The following MLIP variants were observed in gnomAD, a reference collection of about 807,000 sequenced individuals.
The protein encoded by MLIP is muscular LMNA interacting protein, also known as muscular LMNA-interacting protein.
Under a neutral mutation model 84.8 loss-of-function variants are expected in MLIP, and 79 were observed. The observed-to-expected ratio is 0.93, with a 90% CI of 0.78 to 1.12. The LOEUF is 1.12. MLIP is among the 50% of genes most tolerant of loss of function. The probability of loss-of-function intolerance (pLI) is 0.00; values close to 1 mark genes in which losing one functional copy is unlikely to be tolerated. For synonymous variants in MLIP, 504 were observed against 463.0 expected, an observed-to-expected ratio of 1.09 and a Z score of -1.14; for missense variants, 1,257 against 1,160.6, an observed-to-expected ratio of 1.08 and a Z score of -1.21.
intron 9 of MLIP, among the ~76,000 whole-genome samples, chr6:54,171,975 A>C (rs1266119753): frequency 6.6e-6 from 1 of 151,538 alleles, no homozygotes; most frequent in Non-Finnish European, 1.5e-5. Context: ...TGCGTCATTG[A>C]CTTTGTAGAT....
At chr6:54,047,252 C>T (rs972541070) in intron 1 of MLIP, 1 of 151,968 alleles carries the variant, frequency 6.6e-6, no homozygotes, top group African/African-American at 2.4e-5. Flanking sequence ...TGATTGGCTA[C>T]TAAGAGAGAG....
intron 1 of MLIP, among the ~76,000 whole-genome samples, chr6:54,102,486 G>A (rs1768725626): frequency 6.6e-6 from 1 of 152,012 alleles, no homozygotes; most frequent in Admixed American, 6.6e-5. Flanking sequence ...TCTGATGCTG[G>A]CTTCCTTCAT....
chr6:54,058,154 A>AG (rs940521795), intron 1 of MLIP, among the ~76,000 whole-genome samples: 1 of 151,436 alleles, frequency 6.6e-6, no homozygotes, highest in Non-Finnish European at 1.5e-5. Context: ...GAATAGAAAA[A>AG]AAACATGTAG....
rs79547354 is a variant in MLIP at position 54,116,408 on chromosome 6, G to A, written c.96+4833G>A. 2.1e-3 allele frequency among the ~76,000 whole-genome samples: 325 copies of A among 152,224 alleles called. 2 individuals are homozygous for A. The highest frequency in any genetic ancestry group is 7.5e-3 in the African/African-American group (310 of 41,550). ...AATAAATAGAATCAGAGAATAAAAC[G>A]GAGACATTATAATTTATACCACAGA... On this transcript the variant is annotated intron_variant, in intron 1 of 13. Coordinates refer to ENST00000502396, the MANE Select transcript of MLIP (RefSeq NM_001281747.2).
At chr6:54,161,118 A>G (rs1173150628) in intron 8 of MLIP, among the ~76,000 whole-genome samples, 3 of 151,788 alleles carry the variant, frequency 2.0e-5, no homozygotes, top group Non-Finnish European at 4.4e-5. Context: ...TTTTACATTG[A>G]TGTTTAGAAT....
At chr6:54,238,666 CA>C (rs1349722662) in intron 12 of MLIP, among the ~76,000 whole-genome samples, 2 of 152,166 alleles carry the variant, frequency 1.3e-5, no homozygotes, top group Non-Finnish European at 2.9e-5. Flanking sequence ...TTGGCAGAAG[CA>C]AGGCTGAGAT....
chr6:54,046,198 A>G (rs1765041049), intron 1 of MLIP: 1 of 151,864 alleles, frequency 6.6e-6, no homozygotes, highest in Admixed American at 6.6e-5. Context: ...CTTTCCATAA[A>G]TGTTGAATAA....
rs1360541032 is a variant in MLIP, at chr6:54,069,231, T to A, written c.63+50140T>A. 4.9e-5 allele frequency among the ~76,000 whole-genome samples: 5 copies of A among 101,460 alleles called. 1 individual carries two copies. The highest frequency in any genetic ancestry group is 1.3e-4 in the African/African-American group (5 of 39,436). 66.6% of individuals were successfully genotyped at this position (101,460 alleles called of 152,430 possible). ...CTAGTTTATTCATTTATTTGTTAGA[T>A]CTAGGAGATGTATTTGTTTCTTGAG... is the stretch of plus-strand genomic sequence containing the variant. On this transcript the variant is annotated intron_variant, in intron 1 of 12. Transcript: ENST00000274897.
At chr6:54,167,078 T>TG (rs1775271678) in intron 8 of MLIP, among the ~76,000 whole-genome samples, 2 of 151,946 alleles carry the variant, frequency 1.3e-5, no homozygotes, top group Non-Finnish European at 2.9e-5. Context: ...TCTGCACTAC[T>TG]GAGCCACTGT....
chr6:54,121,645 TA>T, intron 2 of MLIP, 43 bp downstream of exon 2: 1 of 1,395,754 alleles, frequency 7.2e-7, no homozygotes, highest in Non-Finnish European at 9.7e-7. Context: ...ACAATTATAT[TA>T]AATTTTGATA....
intron 11 of MLIP, among the ~76,000 whole-genome samples, chr6:54,208,436 A>G (rs186332692): frequency 1.3e-5 from 2 of 152,010 alleles, no homozygotes; most frequent in East Asian, 3.9e-4. Flanking sequence ...AAATTTAAAA[A>G]TCAGCCAGGT....
chr6:54,071,718 G>A (rs953611104), intron 1 of MLIP, among the ~76,000 whole-genome samples: 10 of 152,102 alleles, frequency 6.6e-5, no homozygotes, highest in African/African-American at 2.4e-4. Context: ...ATATGAATAT[G>A]TTTGTTTTTA....
chr6:54,088,874 G>A (rs1016219331), intron 1 of MLIP, among the ~76,000 whole-genome samples: 1 of 152,102 alleles, frequency 6.6e-6, no homozygotes, highest in African/African-American at 2.4e-5. Context: ...TCTTATAGTA[G>A]AAGTATGTGC....
intron 1 of MLIP, among the ~76,000 whole-genome samples, chr6:54,116,416 T>C (rs2150418294): frequency 6.6e-6 from 1 of 152,330 alleles, no homozygotes; most frequent in South Asian, 2.1e-4. Flanking sequence ...ACGGAGACAT[T>C]ATAATTTATA....
intron 1 of MLIP, among the ~76,000 whole-genome samples, chr6:54,103,636 C>T (rs998582715): frequency 3.3e-5 from 5 of 152,048 alleles, no homozygotes; most frequent in African/African-American, 7.2e-5. Context: ...GTTAGGTAGC[C>T]CAAGACTAAA....
At chr6:54,131,596 T>C (rs191256835) in intron 3 of MLIP, among the ~76,000 whole-genome samples, 1 of 152,144 alleles carries the variant, frequency 6.6e-6, no homozygotes, top group Admixed American at 6.5e-5. Context: ...GGGTAGTCAT[T>C]TTAGGGTGTG....
intron 9 of MLIP, among the ~76,000 whole-genome samples, chr6:54,174,907 T>C (rs557984537): frequency 1.8e-4 from 28 of 152,136 alleles, no homozygotes; most frequent in African/African-American, 2.4e-4. Flanking sequence ...TTTAATTCAT[T>C]CTGATTTGAT....
At chr6:54,201,440 T>G (rs1156519346) in intron 10 of MLIP, among the ~76,000 whole-genome samples, 2 of 152,208 alleles carry the variant, frequency 1.3e-5, no homozygotes, top group Non-Finnish European at 2.9e-5. Context: ...CACTTTGCTC[T>G]AACCTTCTTG....
At chr6:54,118,389 C>T (rs1468771820) in intron 1 of MLIP, among the ~76,000 whole-genome samples, 1 of 152,206 alleles carries the variant, frequency 6.6e-6, no homozygotes, top group Non-Finnish European at 1.5e-5. Context: ...TTACAGCCAA[C>T]TGATGTTTGA....
Sources: allele counts gnomAD v4.1 joint callset (sites outside exome capture counted in the v4.1 genomes callset), GRCh38; gene constraint gnomAD v4.1.1; transcripts MANE v1.5; gene names NCBI Gene and HGNC (gene_info 2026-07-23, HGNC 2026-07-21).